The following ARGLU1 variants were observed in gnomAD, a reference collection of about 807,000 sequenced individuals.
ARGLU1 encodes arginine and glutamate-rich protein 1.
A neutral mutation model predicts 37.6 loss-of-function variants in ARGLU1; 9 were observed. The ratio of observed to expected loss-of-function variants is 0.24; its 90% CI spans 0.14 to 0.42. The LOEUF is 0.42. Among genes scored for constraint, ARGLU1 ranks in the 10% least tolerant of loss-of-function variants. The pLI is 1.00. For missense variants in ARGLU1, 211 were observed against 359.2 expected (o/e 0.59, Z 3.34); for synonymous variants, 166 against 138.5 (o/e 1.20, Z -1.39).
chr13:106,546,664 T>C (rs1233413979), intron 3 of ARGLU1, among the ~76,000 whole-genome samples: 1 of 152,188 alleles, frequency 6.6e-6, no homozygotes, highest in Admixed American at 6.5e-5. Flanking sequence ...TTTGGATGTG[T>C]GTGTGTGCCT....
chr13:106,558,762 A>G, intron 2 of ARGLU1: 1 of 985,200 alleles, frequency 1.0e-6, no homozygotes, highest in Non-Finnish European at 1.2e-6. Context: ...CTCTCTAGAG[A>G]AAAAAAGGAG....
intron 1 of ARGLU1, among the ~76,000 whole-genome samples, chr13:106,564,876 C>T (rs889110822): frequency 6.6e-6 from 1 of 152,156 alleles, no homozygotes; most frequent in Non-Finnish European, 1.5e-5. Context: ...ACATTTTTAC[C>T]AGTACCTGCC....
intron 3 of ARGLU1, among the ~76,000 whole-genome samples, chr13:106,553,187 T>C (rs921914737): frequency 6.6e-6 from 1 of 152,216 alleles, no homozygotes; most frequent in African/African-American, 2.4e-5. Context: ...CAATTAAGGA[T>C]AACTATTTTT....
In ARGLU1 at chr13:106,567,597, G is replaced by A; in HGVS notation, c.323C>T (p.Ala108Val). The change falls in exon 1 of 4, where the codon GCG (alanine) becomes GTG (valine). Residue 108 changes from alanine (A) to valine (V), a missense_variant. This residue lies in a region of ARGLU1 where 130 missense variants were observed against 179.8 expected (regional missense o/e 0.72). Transcript: ENST00000400198. This position sits in a 1 kb window ranked among gnomAD's most constrained non-coding sequence, Gnocchi z 4.3. ...CATTTTTCGCTGCCGCTCGAACTCC[G>A]CTTTCTTCTCCTCCTCCTCTCGCTT... Reference protein sequence around the residue: ...KQKREEEEKKAEFERQRKIRQ... With the variant: ...KQKREEEEKKVEFERQRKIRQ... The A allele has an allele frequency of 1.2e-6, 2 of 1,612,470 alleles. No homozygotes were observed. Among genetic ancestry groups the A allele is most frequent in the African/African-American group, 1.3e-5 (1 of 74,874 alleles).
chr13:106,562,277 G>C (rs1880827408), intron 1 of ARGLU1, among the ~76,000 whole-genome samples: 1 of 152,186 alleles, frequency 6.6e-6, no homozygotes, highest in Non-Finnish European at 1.5e-5. Context: ...AAACAATGCT[G>C]AAGGAAAGCT....
chr13:106,566,053 T>A (rs529750016), intron 1 of ARGLU1, among the ~76,000 whole-genome samples: 60 of 152,350 alleles, frequency 3.9e-4, no homozygotes, highest in African/African-American at 1.2e-3. Flanking sequence ...TTTTCATACA[T>A]CCATCTGTTG....
At chr13:106,544,311 C>T in intron 3 of ARGLU1, 151 bp from the exon 4 acceptor site, 1 of 563,976 alleles carries the variant, frequency 1.8e-6, no homozygotes, top group Non-Finnish European at 2.8e-6. Context: ...CTATGAATTA[C>T]ATGCCTTCAA....
intron 3 of ARGLU1, among the ~76,000 whole-genome samples, chr13:106,544,943 T>C (rs1028096873): frequency 2.6e-5 from 4 of 152,236 alleles, no homozygotes; most frequent in African/African-American, 7.2e-5. Flanking sequence ...ACTCCTTCCA[T>C]GTCAAGCAAC....
intron 2 of ARGLU1, chr13:106,558,471 T>C: frequency 1.0e-6 from 1 of 985,362 alleles, no homozygotes; most frequent in Non-Finnish European, 1.2e-6. Flanking sequence ...TTCAAGAAAA[T>C]ACAACTACAG....
chr13:106,564,893 T>C (rs750743632), intron 1 of ARGLU1, among the ~76,000 whole-genome samples: 17 of 152,236 alleles, frequency 1.1e-4, no homozygotes, highest in Non-Finnish European at 1.3e-4. Context: ...TGCCACATGG[T>C]TGTTACTGAA....
rs1346061478 is a variant in ARGLU1 at position 106,542,557 on chromosome 13, A to G, written c.*1439T>C. 6.6e-6 allele frequency: 1 copy of G among 152,150 alleles called. No homozygotes were observed. Among genetic ancestry groups the G allele is most frequent in the African/African-American group, 2.4e-5 (1 of 41,446 alleles). 9.4% of individuals were successfully genotyped at this position (152,150 alleles called of 1,614,324 possible). A position where few individuals can be genotyped will look rare whatever the true frequency, so the allele number is the denominator to read the frequency against. ...AAACTAAAGCAACAGCATTTTTCCT[A>G]GCATGCACACACAAAATAATCTACC... On this transcript the variant is annotated 3_prime_UTR_variant, in exon 4 of 4. Transcript: ENST00000400198.
chr13:106,546,189 C>T (rs933406354), intron 3 of ARGLU1, among the ~76,000 whole-genome samples: 1 of 152,104 alleles, frequency 6.6e-6, no homozygotes, highest in African/African-American at 2.4e-5. Flanking sequence ...AAATGGTGCC[C>T]GTTTCCAGTG....
chr13:106,550,460 C>A (rs1295576530), intron 3 of ARGLU1, among the ~76,000 whole-genome samples: 1 of 152,192 alleles, frequency 6.6e-6, no homozygotes, highest in African/African-American at 2.4e-5. Context: ...AAAATCCTTA[C>A]CTGACTTACC....
At chr13:106,547,106 T>C (rs556796106) in intron 3 of ARGLU1, among the ~76,000 whole-genome samples, 140 of 152,220 alleles carry the variant, frequency 9.2e-4, no homozygotes, top group Non-Finnish European at 1.5e-3. Flanking sequence ...TAGGGCCCTC[T>C]CTGTCTAGCT....
chr13:106,542,717 T>C lies in ARGLU1; in HGVS notation c.*1279A>G, dbSNP rs1448151819. On this transcript the variant is annotated 3_prime_UTR_variant, in exon 4 of 4. Transcript: ENST00000400198. ...CATCTCAGGTAGCATTTTAGATCAA[T>C]ATCCTTTTCTTGAATGTTTTAATAC... 1.3e-5 allele frequency: 2 copies of C among 152,052 alleles called. No individual in the cohort carries two copies. The highest frequency in any genetic ancestry group is 4.8e-5 in the African/African-American group (2 of 41,416). The allele number at this position is 152,052 out of a possible 1,614,324, so 9.4% of individuals were successfully genotyped here.
rs189438288 is a variant in ARGLU1, at chr13:106,564,460, G to T, written c.347+3113C>A. 2.4e-4 allele frequency among the ~76,000 whole-genome samples: 37 copies of T among 152,258 alleles called. No homozygotes were observed. The East Asian group carries it at 5.8e-3, about 24-fold the overall frequency. ...CAATAAGGTTTCCAATCTTACCAAA[G>T]AATTCCTAATTAGTTAAACCCAATG... On this transcript the variant is annotated intron_variant, in intron 1 of 3. Transcript: ENST00000400198.
At position 106,557,704 on chromosome 13, in the gene ARGLU1, G is replaced by A. The variant is rs1046666638; in HGVS notation, c.574-573C>T. ...AGAAACAACATACAAGGAAGGCTGA[G>A]CTGAGGAATGCAGATGTTTATGGTA... On this transcript the variant is annotated intron_variant, in intron 2 of 3. Coordinates refer to ENST00000400198, the MANE Select transcript of ARGLU1 (RefSeq NM_018011.4). The surrounding 1 kb of genome is among the most constrained non-coding windows in gnomAD (Gnocchi z 5.0). The A allele has an allele frequency of 6.6e-7, 1 of 1,505,436 alleles. No homozygotes were observed. The highest frequency in any genetic ancestry group is 8.9e-7 in the Non-Finnish European group (1 of 1,120,886). The allele number at this position is 1,505,436 out of a possible 1,614,324, so 93.3% of individuals were successfully genotyped here.
chr13:106,552,052 A>G (rs1232666272), intron 3 of ARGLU1, among the ~76,000 whole-genome samples: 1 of 152,170 alleles, frequency 6.6e-6, no homozygotes, highest in African/African-American at 2.4e-5. Context: ...GACAGAAGGG[A>G]TTTTTCAGCC....
At chr13:106,562,418 C>T (rs1880831845) in intron 1 of ARGLU1, among the ~76,000 whole-genome samples, 1 of 152,068 alleles carries the variant, frequency 6.6e-6, no homozygotes, top group South Asian at 2.1e-4. Context: ...ACTATTATGC[C>T]TACTCCCATA....
Sources: gnomAD v4.1 joint callset for allele counts (sites outside exome capture counted in the v4.1 genomes callset) on GRCh38, gnomAD v4.1.1 for gene constraint, gnomAD v4.1.1 regional missense constraint, Gnocchi (gnomAD v3.1) non-coding constraint, MANE v1.5 for transcripts, NCBI Gene and HGNC (gene_info 2026-07-23, HGNC 2026-07-21) for gene names.